RMI1: variants seen among roughly 807,000 people sequenced by gnomAD.
RMI1 encodes the protein RecQ mediated genome instability 1.
A neutral mutation model predicts 46.7 loss-of-function variants in RMI1; 36 were observed. That is an observed-to-expected ratio of 0.77 (90% CI 0.59 to 1.02). The LOEUF (loss-of-function observed/expected upper bound fraction) is 1.02. RMI1 is among the 50% of genes least tolerant of loss of function. The pLI is 0.00. For missense variants in RMI1, 676 were observed against 713.7 expected (o/e 0.95, Z 0.60); for synonymous variants, 250 against 252.9 (o/e 0.99, Z 0.11).
chr9:84,000,134 G>A (rs1957716997), intron 2 of RMI1, among the ~76,000 whole-genome samples: 1 of 152,096 alleles, frequency 6.6e-6, no homozygotes. Context: ...TAGAACTATT[G>A]CACATACATA....
chr9:83,999,578 G>A (rs1205362202), intron 1 of RMI1, 131 bp from the exon 2 acceptor site: 1 of 152,168 alleles, frequency 6.6e-6, no homozygotes, highest in Non-Finnish European at 1.5e-5. Context: ...GAGAGAATGT[G>A]TAACTTTCTC....
At chr9:83,989,044 A>T (rs1341714721) in intron 1 of RMI1, among the ~76,000 whole-genome samples, 2 of 152,102 alleles carry the variant, frequency 1.3e-5, no homozygotes, top group Non-Finnish European at 2.9e-5. Flanking sequence ...ATTTTTGTAG[A>T]GACAAGATCT....
intron 1 of RMI1, among the ~76,000 whole-genome samples, chr9:83,997,330 C>T (rs566591858): frequency 4.0e-5 from 6 of 151,676 alleles, no homozygotes; most frequent in Admixed American, 2.0e-4. Context: ...AGGCTGGTCT[C>T]GAACTCTCGA....
At chr9:83,982,952 T>G (rs372298616) in intron 1 of RMI1, among the ~76,000 whole-genome samples, 244 of 152,340 alleles carry the variant, frequency 1.6e-3, no homozygotes, top group African/African-American at 5.8e-3. Context: ...AACAATACAT[T>G]CATTGACTCC....
rs1564088134 is a variant in RMI1 at position 84,003,924 on chromosome 9, T to TA, written c.*1060_*1061insA. On this transcript the variant is annotated 3_prime_UTR_variant, in exon 3 of 3. Coordinates refer to ENST00000445877, the MANE Select transcript of RMI1 (RefSeq NM_001358291.2). ...TTTGGTTTTAAGTACTGATTTTTTT[T>TA]TAAAAAAAAGAGGGACTGTTTACCA... The TA allele has an allele frequency of 4.8e-5, 8 of 166,440 alleles. No individual in the cohort carries two copies. The highest frequency in any genetic ancestry group is 1.9e-4 in the African/African-American group (8 of 41,366). 10.3% of individuals were successfully genotyped at this position (166,440 alleles called of 1,614,324 possible).
Position 84,001,105 on chromosome 9 carries a change from A to C in RMI1, c.119A>C (p.Asn40Thr), listed in dbSNP as rs1484587141. Residue 40 changes from asparagine to threonine, a missense_variant, in exon 3 of 3, where the codon AAT becomes ACT. Transcript: ENST00000445877. ...CINWIQEENN[N>T]VNLSQAQMNK... is the part of the protein sequence containing the mutation. ...AACTGGATTCAAGAAGAAAATAATA[A>C]TGTTAACTTGAGTCAGGCCCAAATG... The C allele has an allele frequency of 3.8e-5, 62 of 1,614,016 alleles. No individual in the cohort carries two copies. The highest frequency in any genetic ancestry group is 5.2e-5 in the Non-Finnish European group (61 of 1,179,990).
chr9:83,989,548 A>T (rs144273932), intron 1 of RMI1, among the ~76,000 whole-genome samples: 19 of 152,316 alleles, frequency 1.2e-4, no homozygotes, highest in African/African-American at 4.3e-4. Flanking sequence ...TCACAAAAGA[A>T]GATGTACAGG....
chr9:84,002,028 A>G lies in RMI1; in HGVS notation c.1042A>G (p.Ser348Gly), dbSNP rs936985412. The change falls in exon 3 of 3, where the codon AGT becomes GGT. Residue 348 changes from serine (S) to glycine (G), a missense_variant. Transcript: ENST00000445877. ...PLTFNRNADR[S>G]IERFSHNPNT... ...GACTTTTAACAGAAATGCCGATCGA[A>G]GTATAGAGAGATTTTCACATAATCC... The G allele has an allele frequency of 1.7e-5, 28 of 1,613,898 alleles. No individual in the cohort carries two copies. The highest frequency in any genetic ancestry group is 2.2e-5 in the Non-Finnish European group (26 of 1,179,948).
intron 1 of RMI1, among the ~76,000 whole-genome samples, chr9:83,986,003 CA>C (rs1336675617): frequency 1.3e-5 from 2 of 149,992 alleles, no homozygotes; most frequent in South Asian, 4.2e-4. Context: ...AGCAAGACTC[CA>C]AAAAAAACCC....
intron 1 of RMI1, among the ~76,000 whole-genome samples, chr9:83,994,279 T>C (rs1249782940): frequency 6.6e-6 from 1 of 152,200 alleles, no homozygotes; most frequent in Non-Finnish European, 1.5e-5. Flanking sequence ...TGTCCTTTGG[T>C]GCACAGAAGT....
At chr9:83,995,711 A>G (rs1363141004) in intron 1 of RMI1, among the ~76,000 whole-genome samples, 1 of 152,212 alleles carries the variant, frequency 6.6e-6, no homozygotes, top group Non-Finnish European at 1.5e-5. Context: ...TACAGGCGTG[A>G]GCCACTGCGC....
In RMI1 at chr9:84,001,333, T is replaced by TTA; in HGVS notation, c.348_349dup (p.Thr117IlefsTer7). ...GGAAAGAATACAACAAATGATCTAGTTACAGCTGAAGCACAAGTAACCCCA... is the reference window on the plus strand; with the variant it reads ...GGAAAGAATACAACAAATGATCTAGTTATACAGCTGAAGCACAAGTAACCCCA... On this transcript the variant is annotated frameshift_variant, in exon 3 of 3. Coordinates refer to ENST00000445877, the MANE Select transcript of RMI1 (RefSeq NM_001358291.2). LOFTEE classifies it high-confidence loss of function. 6.2e-7 allele frequency: 1 copy of TTA among 1,614,106 alleles called. No individual in the cohort carries two copies. The highest frequency in any genetic ancestry group is 1.1e-5 in the South Asian group (1 of 91,082).
At chr9:83,990,554 G>A (rs1472927132) in intron 1 of RMI1, among the ~76,000 whole-genome samples, 1 of 150,998 alleles carries the variant, frequency 6.6e-6, no homozygotes. Flanking sequence ...GTGTTTGATA[G>A]CACTGCATTG....
intron 1 of RMI1, among the ~76,000 whole-genome samples, chr9:83,991,655 G>C (rs925073145): frequency 6.6e-6 from 1 of 152,062 alleles, no homozygotes; most frequent in Admixed American, 6.6e-5. Context: ...AGGAAACCAA[G>C]GTCACAAAGA....
At chr9:83,986,666 T>A (rs1471077175) in intron 1 of RMI1, among the ~76,000 whole-genome samples, 1 of 152,210 alleles carries the variant, frequency 6.6e-6, no homozygotes. Flanking sequence ...TTTAAAAAAA[T>A]TTTAAGTCTT....
chr9:83,986,640 AT>A (rs1564079127), intron 1 of RMI1, among the ~76,000 whole-genome samples: 1 of 152,192 alleles, frequency 6.6e-6, no homozygotes, highest in African/African-American at 2.4e-5. Flanking sequence ...GTAGAAGTAC[AT>A]TTTTTATTGA....
intron 1 of RMI1, among the ~76,000 whole-genome samples, chr9:83,985,178 T>C (rs540007636): frequency 2.0e-5 from 3 of 152,346 alleles, no homozygotes; most frequent in Non-Finnish European, 4.4e-5. Flanking sequence ...ATAATATTTT[T>C]CCATTTGATT....
chr9:84,001,127 A>C lies in RMI1; in HGVS notation c.141A>C (p.Gln47His), dbSNP rs1419576418. 1 of 1,614,136 alleles carries C rather than the reference A, an allele frequency of 6.2e-7. No homozygotes were observed. Among genetic ancestry groups the C allele is most frequent in the Non-Finnish European group, 8.5e-7 (1 of 1,179,986 alleles). Residue 47 changes from glutamine (Q) to histidine (H), a missense_variant, in exon 3 of 3, where the codon CAA (glutamine) becomes CAC (histidine). Transcript: ENST00000445877. ...ATAATGTTAACTTGAGTCAGGCCCAAATGAATAAACAAGTGTTTGAGCAGT... is the reference window on the plus strand; with the variant it reads ...ATAATGTTAACTTGAGTCAGGCCCACATGAATAAACAAGTGTTTGAGCAGT... ...ENNNVNLSQA[Q>H]MNKQVFEQWL... is the part of the protein sequence containing the mutation.
chr9:83,995,061 G>A (rs781723685), intron 1 of RMI1, among the ~76,000 whole-genome samples: 6 of 152,036 alleles, frequency 3.9e-5, no homozygotes, highest in Non-Finnish European at 8.8e-5. Flanking sequence ...GTGCAGTGGC[G>A]AGATCTCGGC....
Sources: gnomAD v4.1 joint callset for allele counts (sites outside exome capture counted in the v4.1 genomes callset) on GRCh38, gnomAD v4.1.1 for gene constraint, MANE v1.5 for transcripts, NCBI Gene and HGNC (gene_info 2026-07-23, HGNC 2026-07-21) for gene names.